CUX1: variants seen among roughly 807,000 people sequenced by gnomAD.
CUX1 encodes protein CASP.
CUX1 carries 31 observed loss-of-function variants against 158.8 expected under a neutral mutation model. The ratio of observed to expected loss-of-function variants is 0.20; its 90% CI spans 0.15 to 0.26. The LOEUF (loss-of-function observed/expected upper bound fraction) is 0.26, where lower values mean the gene tolerates loss of function less well. Ranked by LOEUF, CUX1 falls within the 10% of genes least tolerant of loss-of-function variation. The pLI, the probability that CUX1 is intolerant of heterozygous loss-of-function variation, is 1.00. For synonymous variants in CUX1, 879 were observed against 862.1 expected, an observed-to-expected ratio of 1.02 and a Z score of -0.34; for missense variants, 1,589 against 2,014.6, an observed-to-expected ratio of 0.79 and a Z score of 4.04.
chr7:102,259,961 G>A (rs1020468855), downstream of CUX1, among the ~76,000 whole-genome samples: 1 of 151,972 alleles, frequency 6.6e-6, no homozygotes, highest in Non-Finnish European at 1.5e-5. Flanking sequence ...TGGGCATGGT[G>A]GCATGTGCCT....
At chr7:102,139,590 T>C (rs1366715339) in intron 8 of CUX1, among the ~76,000 whole-genome samples, 1 of 152,184 alleles carries the variant, frequency 6.6e-6, no homozygotes, top group Non-Finnish European at 1.5e-5. Flanking sequence ...AGCACAGAAA[T>C]TCGAGACAGG....
At chr7:101,820,965 G>A (rs1792404685) in intron 1 of CUX1, among the ~76,000 whole-genome samples, 1 of 152,152 alleles carries the variant, frequency 6.6e-6, no homozygotes, top group Non-Finnish European at 1.5e-5. Flanking sequence ...TCCCACTGTT[G>A]CTTACCTGGA....
At chr7:101,886,203 T>C (rs1235793058) in intron 1 of CUX1, among the ~76,000 whole-genome samples, 1 of 150,446 alleles carries the variant, frequency 6.6e-6, no homozygotes, top group African/African-American at 2.5e-5. Context: ...TGCCTTTTTC[T>C]TTTTTTTTGA....
rs898074738 is a variant in CUX1, at chr7:102,180,733, A to C, written c.1017+2076A>C. Among the ~76,000 whole-genome samples, 3 of 149,676 alleles carry C rather than the reference A, an allele frequency of 2.0e-5. No individual in the cohort carries two copies. The Admixed American group carries it at 2.0e-4, about 10-fold the overall frequency. On this transcript the variant is annotated intron_variant, in intron 11 of 23. Coordinates refer to ENST00000292535, the MANE Select transcript of CUX1 (RefSeq NM_181552.4). ...TCTATTGCCTATGCTGATGGCTCCC[A>C]CGACCCTCCCTCACTCCTTTCTTCT...
At chr7:102,076,634 C>A (rs1390484347) in intron 4 of CUX1, among the ~76,000 whole-genome samples, 1 of 152,064 alleles carries the variant, frequency 6.6e-6, no homozygotes, top group African/African-American at 2.4e-5. Flanking sequence ...CACACCACAC[C>A]CCCAGGGCAT....
At chr7:102,106,647 C>G (rs1292996119) in intron 6 of CUX1, among the ~76,000 whole-genome samples, 1 of 152,184 alleles carries the variant, frequency 6.6e-6, no homozygotes, top group East Asian at 1.9e-4. Flanking sequence ...TAAACTGCCT[C>G]TTAATCTGAG....
chr7:102,127,727 A>G (rs1388968493), intron 8 of CUX1, among the ~76,000 whole-genome samples: 2 of 152,146 alleles, frequency 1.3e-5, no homozygotes, highest in African/African-American at 2.4e-5. Context: ...AGCCTGATTT[A>G]TTACACTGCT....
chr7:102,241,826 CA>C (rs1800251839), intron 23 of CUX1, among the ~76,000 whole-genome samples: 1 of 152,230 alleles, frequency 6.6e-6, no homozygotes, highest in Non-Finnish European at 1.5e-5. Flanking sequence ...CAGGATTAGC[CA>C]GGCGTGGTAA....
chr7:102,012,708 G>A (rs907294638), intron 2 of CUX1, among the ~76,000 whole-genome samples: 2 of 147,906 alleles, frequency 1.4e-5, no homozygotes, highest in African/African-American at 5.0e-5. Context: ...GTGGGGGCGG[G>A]GGGAGGGGGT....
At position 102,083,363 on chromosome 7, in the gene CUX1, G is replaced by T. The variant is rs188908629; in HGVS notation, c.268+12946G>T. Among the ~76,000 whole-genome samples the T allele has an allele frequency of 2.0e-3, 288 of 147,344 alleles. 9 individuals carry two copies. The highest frequency in any genetic ancestry group is 6.5e-3 in the African/African-American group (269 of 41,224). ...GCTCTGTTGCCCAGGCTGGAGTGTA[G>T]TGATATAGTCATAGCTCACTACAGC... On this transcript the variant is annotated intron_variant, in intron 4 of 23. Coordinates refer to ENST00000292535, the MANE Select transcript of CUX1 (RefSeq NM_181552.4).
intron 2 of CUX1, among the ~76,000 whole-genome samples, chr7:102,024,799 T>C (rs1563145187): frequency 6.6e-6 from 1 of 152,196 alleles, no homozygotes; most frequent in Non-Finnish European, 1.5e-5. Context: ...TTGTGTTATA[T>C]GTTGTCCTCT....
intron 12 of CUX1, among the ~76,000 whole-genome samples, chr7:102,191,792 G>GCTC (rs1215963832): frequency 1.4e-5 from 2 of 144,842 alleles, no homozygotes; most frequent in African/African-American, 2.6e-5. Context: ...TCTTCCTCTT[G>GCTC]CTCCTCCTCC....
intron 23 of CUX1, among the ~76,000 whole-genome samples, chr7:102,241,015 T>C (rs1586398816): frequency 6.6e-6 from 1 of 152,186 alleles, no homozygotes; most frequent in Admixed American, 6.5e-5. Flanking sequence ...GAGACGGGTT[T>C]CATCATATTG....
At chr7:102,006,661 G>A (rs1206343692) in intron 2 of CUX1, among the ~76,000 whole-genome samples, 1 of 152,208 alleles carries the variant, frequency 6.6e-6, no homozygotes, top group Non-Finnish European at 1.5e-5. Flanking sequence ...GGGATTACAG[G>A]CGTGAGCCAC....
intron 1 of CUX1, among the ~76,000 whole-genome samples, chr7:101,871,150 C>T (rs1219418423): frequency 6.6e-6 from 1 of 152,144 alleles, no homozygotes; most frequent in Non-Finnish European, 1.5e-5. Context: ...GTGATCCTAG[C>T]ATCCGTGGTT....
At chr7:102,203,816 C>T (rs781924623) in intron 18 of CUX1, among the ~76,000 whole-genome samples, 5 of 152,090 alleles carry the variant, frequency 3.3e-5, no homozygotes, top group South Asian at 2.1e-4. Context: ...CAATCATCTG[C>T]GGCGGAATGT....
chr7:102,100,087 C>G (rs1554485897), intron 5 of CUX1, among the ~76,000 whole-genome samples: 1 of 152,128 alleles, frequency 6.6e-6, no homozygotes, highest in Non-Finnish European at 1.5e-5. Flanking sequence ...CGAGACCAGC[C>G]TGGCCAACAT....
chr7:102,063,383 C>CTTTTTTTTTTTTTTTTTTTTT (rs11368644), intron 3 of CUX1, among the ~76,000 whole-genome samples: 1 of 89,272 alleles, frequency 1.1e-5, no homozygotes, highest in Non-Finnish European at 2.1e-5. Flanking sequence ...ATTTCCTTTT[C>CTTTTTTTTTTTTTTTTTTTTT]TTTTTTTTTT....
chr7:102,159,599 G>A (rs540022958), intron 9 of CUX1, among the ~76,000 whole-genome samples: 2 of 152,236 alleles, frequency 1.3e-5, no homozygotes, highest in East Asian at 3.8e-4. Flanking sequence ...AGTGGCTCAC[G>A]CCTGTAATCC....
Sources: gnomAD v4.1 joint callset for allele counts (sites outside exome capture counted in the v4.1 genomes callset) on GRCh38, gnomAD v4.1.1 for gene constraint, MANE v1.5 for transcripts, NCBI Gene and HGNC (gene_info 2026-07-23, HGNC 2026-07-21) for gene names.